Variants in NHS observed in about 807,000 individuals in gnomAD.
NHS encodes NHS actin remodeling regulator.
Under a neutral mutation model 72.5 loss-of-function variants are expected in NHS, and 5 were observed. The ratio of observed to expected loss-of-function variants is 0.07; its 90% CI spans 0.04 to 0.14. NHS has a LOEUF of 0.14. Ranked by LOEUF, NHS falls within the 10% of genes least tolerant of loss-of-function variation. The pLI, the probability that NHS is intolerant of heterozygous loss-of-function variation, is 1.00. For missense variants in NHS, 1,072 were observed against 1,355.7 expected, an observed-to-expected ratio of 0.79 and a Z score of 3.29; for synonymous variants, 464 against 547.7, an observed-to-expected ratio of 0.85 and a Z score of 2.13.
intron 1 of NHS, among the ~76,000 whole-genome samples, chrX:17,418,505 T>C (rs901860578): frequency 1.2e-4 from 13 of 111,949 alleles, no homozygotes; most frequent in Non-Finnish European, 3.8e-5. Context: ...CAAAACAGGA[T>C]AGTTTCTTTC....
At chrX:17,459,083 A>G (rs1008666639) in intron 1 of NHS, among the ~76,000 whole-genome samples, 4 of 112,695 alleles carry the variant, frequency 3.5e-5, no homozygotes, top group Non-Finnish European at 7.5e-5. Context: ...TAGGGAAGCC[A>G]GGTTCTGTCA....
At chrX:17,614,624 T>G (rs1371350145) in intron 1 of NHS, among the ~76,000 whole-genome samples, 1 of 111,952 alleles carries the variant, frequency 8.9e-6, no homozygotes, top group Non-Finnish European at 1.9e-5. Flanking sequence ...ATGTGTTTGT[T>G]TCATTTCCAG....
At chrX:17,709,278 C>T (rs748350323) in intron 3 of NHS, among the ~76,000 whole-genome samples, 1 of 111,686 alleles carries the variant, frequency 9.0e-6, no homozygotes, top group Non-Finnish European at 1.9e-5. Context: ...CTTTTCCCCT[C>T]TATACCCATT....
At chrX:17,612,064 A>T (rs1168035400) in intron 1 of NHS, among the ~76,000 whole-genome samples, 2 of 104,398 alleles carry the variant, frequency 1.9e-5, no homozygotes, top group Non-Finnish European at 3.9e-5. Flanking sequence ...CCAGCATGTT[A>T]TTATGAAAAG....
chrX:17,555,036 T>A (rs1658672361), intron 1 of NHS, among the ~76,000 whole-genome samples: 1 of 109,704 alleles, frequency 9.1e-6, no homozygotes, highest in Non-Finnish European at 1.9e-5. Context: ...GTGTGTGATG[T>A]TCCCCTCCCT....
chrX:17,656,602 G>A (rs1285002655), intron 1 of NHS, among the ~76,000 whole-genome samples: 1 of 112,479 alleles, frequency 8.9e-6, no homozygotes, highest in Non-Finnish European at 1.9e-5. Context: ...GCTCGCAGGG[G>A]CAAAGGGAAC....
chrX:17,507,571 T>A (rs1439971252), intron 1 of NHS, among the ~76,000 whole-genome samples: 1 of 112,034 alleles, frequency 8.9e-6, no homozygotes, highest in Non-Finnish European at 1.9e-5. Flanking sequence ...CCAGAAAAGG[T>A]TTTCCCTTTT....
At chrX:17,447,761 A>ACACACACACACG (rs1165118088) in intron 1 of NHS, among the ~76,000 whole-genome samples, 1 of 96,541 alleles carries the variant, frequency 1.0e-5, no homozygotes, top group African/African-American at 4.1e-5. Context: ...TTGGCCACAC[A>ACACACACACACG]CACACACACA....
At chrX:17,462,575 A>ATG (rs2064852106) in intron 1 of NHS, among the ~76,000 whole-genome samples, 1 of 112,207 alleles carries the variant, frequency 8.9e-6, no homozygotes, top group African/African-American at 3.2e-5. Context: ...TGGTATTTAA[A>ATG]TATATGTAAA....
intron 3 of NHS, among the ~76,000 whole-genome samples, chrX:17,710,047 G>C (rs769731756): frequency 1.8e-5 from 2 of 111,886 alleles, no homozygotes; most frequent in Non-Finnish European, 3.8e-5. Context: ...GTGCCAAGAA[G>C]TAAGTCCCTT....
Position 17,726,810 on chromosome X carries a change from G to A in NHS, c.2704G>A (p.Glu902Lys). ...LDFANTPSRM[E>K]NANLPTKQEP... ...TTTCGCCAACACGCCTTCTCGAATGGAAAACGCCAATCTTCCCACCAAGCA... is the reference window on the plus strand; with the variant it reads ...TTTCGCCAACACGCCTTCTCGAATGAAAAACGCCAATCTTCCCACCAAGCA... The change falls in exon 7 of 9, where the codon GAA becomes AAA. Residue 902 changes from glutamate (E) to lysine (K), a missense_variant. Transcript: ENST00000676302. The A allele has an allele frequency of 1.7e-6, 2 of 1,211,694 alleles. No individual in the cohort carries two copies. The highest frequency in any genetic ancestry group is 2.2e-6 in the Non-Finnish European group (2 of 895,514).
rs563356729 is a variant in NHS, at chrX:17,700,618, G to C, written c.852+8150G>C. On this transcript the variant is annotated intron_variant, in intron 3 of 8. Transcript: ENST00000676302. ...TTCAAACGTGGTCCAACCTAACTGA[G>C]GGCAATTTGGCAATATCTAACCAAA... Among the ~76,000 whole-genome samples the C allele has an allele frequency of 9.9e-5, 11 of 111,534 alleles. No individual in the cohort carries two copies. In the South Asian group the frequency reaches 3.8e-3, roughly 39 times the overall value.
At chrX:17,670,170 T>G (rs2066035688) in intron 1 of NHS, among the ~76,000 whole-genome samples, 1 of 112,579 alleles carries the variant, frequency 8.9e-6, no homozygotes, top group Non-Finnish European at 1.9e-5. Flanking sequence ...GTGTGCCACT[T>G]GTCCCCAGTG....
intron 1 of NHS, among the ~76,000 whole-genome samples, chrX:17,519,815 C>CCATCATCAT (rs1169378245): frequency 2.7e-5 from 3 of 110,277 alleles, no homozygotes; most frequent in Non-Finnish European, 5.7e-5. Flanking sequence ...GGTGTACCTC[C>CCATCATCAT]CATCATCATC....
intron 6 of NHS, 146 bp downstream of exon 6, chrX:17,724,576 T>C (rs2066429512): frequency 1.3e-6 from 1 of 784,047 alleles, no homozygotes. Context: ...AGCCAGGTGG[T>C]ATTACTTTTT....
intron 1 of NHS, among the ~76,000 whole-genome samples, chrX:17,507,495 A>T (rs2065064364): frequency 8.9e-6 from 1 of 112,258 alleles, no homozygotes. Context: ...AAGAATGGCA[A>T]GACATCCCAG....
intron 2 of NHS, 70 bp from the exon 3 acceptor site, chrX:17,692,265 C>A: frequency 1.8e-6 from 2 of 1,141,699 alleles, no homozygotes; most frequent in Non-Finnish European, 2.4e-6. Context: ...TTTGCTAACA[C>A]TCCCAAGGGG....
intron 1 of NHS, among the ~76,000 whole-genome samples, chrX:17,401,523 A>G (rs1239476918): frequency 1.8e-5 from 2 of 112,284 alleles, no homozygotes; most frequent in African/African-American, 3.2e-5. Context: ...TGCTGTGACT[A>G]CTTACCACAA....
chrX:17,732,401 G>A lies in NHS; in HGVS notation c.4893G>A (p.Glu1631=). ...LYNTPMQAIS[E]GETENSDGSP... The stretch of plus-strand genomic sequence containing the variant: ...ATACGCCCATGCAGGCAATCTCCGA[G>A]GGAGAGACGGAAAATTCTGACGGGA... The change falls in exon 9 of 9, where the codon GAG becomes GAA. Residue 1631 remains glutamate (E), a synonymous_variant. Transcript: ENST00000676302. 8.2e-7 allele frequency: 1 copy of A among 1,212,544 alleles called. No homozygotes were observed. The highest frequency in any genetic ancestry group is 1.1e-6 in the Non-Finnish European group (1 of 895,704).
Sources: allele counts gnomAD v4.1 joint callset (sites outside exome capture counted in the v4.1 genomes callset), GRCh38; gene constraint gnomAD v4.1.1; transcripts MANE v1.5; gene names NCBI Gene and HGNC (gene_info 2026-07-23, HGNC 2026-07-21).